HAPLN1: variants seen among roughly 807,000 people sequenced by gnomAD.
The protein encoded by HAPLN1 is Cartilage link protein.
In HAPLN1, 13 loss-of-function variants were observed where a neutral mutation model predicts 36.5. That is an observed-to-expected ratio of 0.36 (90% CI 0.23 to 0.57). The LOEUF is 0.57. Among genes scored for constraint, HAPLN1 ranks in the 20% least tolerant of loss-of-function variants. The probability of loss-of-function intolerance (pLI) is 0.83; values close to 1 mark genes in which losing one functional copy is unlikely to be tolerated. For missense variants in HAPLN1, 407 were observed against 439.7 expected, an observed-to-expected ratio of 0.93 and a Z score of 0.66; for synonymous variants, 202 against 169.8, an observed-to-expected ratio of 1.19 and a Z score of -1.48.
At chr5:83,681,057 C>T (rs1174754171) in intron 1 of HAPLN1, among the ~76,000 whole-genome samples, 2 of 152,122 alleles carry the variant, frequency 1.3e-5, no homozygotes, top group African/African-American at 4.8e-5. Context: ...TAAATTCACT[C>T]ATTCTTGATT....
chr5:83,641,145 C>T lies in HAPLN1; in HGVS notation c.*351G>A, dbSNP rs187813437. On this transcript the variant is annotated 3_prime_UTR_variant, in exon 5 of 5. Transcript: ENST00000274341. Reference sequence around the variant, plus strand: ...ATGTGTAAAGTTTGTGCTTGTGGAACCTGCTGCTCTGAGTAGCTTTACTTT... The same window carrying T: ...ATGTGTAAAGTTTGTGCTTGTGGAATCTGCTGCTCTGAGTAGCTTTACTTT... The T allele has an allele frequency of 1.7e-4, 26 of 153,786 alleles. No individual in the cohort carries two copies. Among genetic ancestry groups the T allele is most frequent in the South Asian group, 4.1e-4 (2 of 4,832 alleles). 9.5% of individuals were successfully genotyped at this position (153,786 alleles called of 1,614,324 possible).
intron 1 of HAPLN1, chr5:83,674,168 T>G (rs1473242406): frequency 6.6e-6 from 1 of 152,230 alleles, no homozygotes; most frequent in Admixed American, 6.5e-5. Flanking sequence ...GGTGAATAGT[T>G]GAAAATTATG....
chr5:83,692,353 A>C (rs968087164), intron 1 of HAPLN1, among the ~76,000 whole-genome samples: 6 of 151,874 alleles, frequency 4.0e-5, no homozygotes, highest in Non-Finnish European at 8.8e-5. Context: ...ACTGCTTAAA[A>C]CCAGTGGTAA....
At chr5:83,698,151 TA>T (rs1751434752) in intron 1 of HAPLN1, among the ~76,000 whole-genome samples, 1 of 152,146 alleles carries the variant, frequency 6.6e-6, no homozygotes, top group South Asian at 2.1e-4. Flanking sequence ...TTAGTTCTTA[TA>T]TTTAGTCTTC....
chr5:83,702,577 G>A lies in HAPLN1; in HGVS notation c.-27+18212C>T, dbSNP rs570624961. ...CAGAGAAATAAGGCCATGAAGATAA[G>A]GGTTACTCAGAACATAGTCAAGCCA... On this transcript the variant is annotated intron_variant, in intron 1 of 4. Coordinates refer to ENST00000274341, the MANE Select transcript of HAPLN1 (RefSeq NM_001884.4). Among the ~76,000 whole-genome samples the A allele has an allele frequency of 2.0e-5, 3 of 152,242 alleles. No individual in the cohort carries two copies. In the East Asian group the frequency reaches 5.8e-4, roughly 29 times the overall value.
chr5:83,719,295 G>A (rs1751975911), intron 1 of HAPLN1, among the ~76,000 whole-genome samples: 1 of 152,194 alleles, frequency 6.6e-6, no homozygotes, highest in African/African-American at 2.4e-5. Flanking sequence ...GAGAATACTG[G>A]CCTCTGGGTA....
At chr5:83,649,182 T>C (rs1749973023) in intron 3 of HAPLN1, among the ~76,000 whole-genome samples, 1 of 152,216 alleles carries the variant, frequency 6.6e-6, no homozygotes, top group African/African-American at 2.4e-5. Context: ...TGATGATATA[T>C]GGATTCATTA....
chr5:83,718,665 A>G (rs1395528494), intron 1 of HAPLN1, among the ~76,000 whole-genome samples: 2 of 152,194 alleles, frequency 1.3e-5, no homozygotes, highest in South Asian at 4.1e-4. Context: ...ACTAAGTACT[A>G]TGGTTACTAC....
chr5:83,705,387 C>CAAAAAAAAAAAAA (rs762927081), intron 1 of HAPLN1, among the ~76,000 whole-genome samples: 18 of 85,418 alleles, frequency 2.1e-4, no homozygotes, highest in Non-Finnish European at 2.8e-4. Flanking sequence ...TGAAACGTCA[C>CAAAAAAAAAAAAA]AAAAAAAAAA....
chr5:83,651,681 T>C (rs1404052850), intron 3 of HAPLN1, among the ~76,000 whole-genome samples: 1 of 152,188 alleles, frequency 6.6e-6, no homozygotes, highest in East Asian at 1.9e-4. Context: ...CTCTCAATGC[T>C]GCCAAAATCC....
intron 2 of HAPLN1, among the ~76,000 whole-genome samples, chr5:83,654,689 T>A (rs1464161723): frequency 6.6e-6 from 1 of 152,230 alleles, no homozygotes; most frequent in East Asian, 1.9e-4. Flanking sequence ...AAAATAGGTC[T>A]CAGTTTCATT....
rs971648684 is a variant in HAPLN1, at chr5:83,639,681, A to C, written c.*1815T>G. The C allele has an allele frequency of 1.3e-4, 20 of 152,150 alleles. No homozygotes were observed. Among genetic ancestry groups the C allele is most frequent in the African/African-American group, 3.6e-4 (15 of 41,556 alleles). 9.4% of individuals were successfully genotyped at this position (152,150 alleles called of 1,614,324 possible). ...TAGAAGTGCAAGTTCTATTTATACC[A>C]CCAGTGTTTGAGTTTAAACTTTACA... On this transcript the variant is annotated 3_prime_UTR_variant, in exon 5 of 5. Transcript: ENST00000274341.
chr5:83,682,695 T>C (rs1386795744), intron 1 of HAPLN1, among the ~76,000 whole-genome samples: 1 of 152,180 alleles, frequency 6.6e-6, no homozygotes, highest in Non-Finnish European at 1.5e-5. Context: ...AAGGGCTGTG[T>C]CTACACAGCT....
intron 1 of HAPLN1, among the ~76,000 whole-genome samples, chr5:83,692,137 C>G (rs1266089561): frequency 1.3e-5 from 2 of 151,746 alleles, no homozygotes; most frequent in Non-Finnish European, 3.0e-5. Flanking sequence ...AAAAGAGCAT[C>G]ACTAAACTGT....
intron 1 of HAPLN1, among the ~76,000 whole-genome samples, chr5:83,684,130 G>A (rs769701415): frequency 3.3e-5 from 5 of 152,074 alleles, no homozygotes; most frequent in East Asian, 1.9e-4. Flanking sequence ...TGAAGGATAA[G>A]CATTACAATA....
At position 83,641,632 on chromosome 5, in the gene HAPLN1, G is replaced by A. The variant is rs779648824; in HGVS notation, c.929C>T (p.Ala310Val). The part of the protein sequence containing the change: ...GYDRCDAGWL[A>V]DGSVRYPISR... The stretch of plus-strand genomic sequence containing the variant: ...GATGGGGTAGCGGACGCTGCCATCC[G>A]CCAACCAGCCCGCATCACAGCGGTC... The change falls in exon 5 of 5, where the codon GCG becomes GTG. Residue 310 changes from alanine to valine, a missense_variant. Transcript: ENST00000274341. 2 of 1,614,066 alleles carry A rather than the reference G, an allele frequency of 1.2e-6. No individual in the cohort carries two copies. The highest frequency in any genetic ancestry group is 1.7e-6 in the Non-Finnish European group (2 of 1,180,042).
At chr5:83,681,121 T>C (rs1476572978) in intron 1 of HAPLN1, among the ~76,000 whole-genome samples, 1 of 152,186 alleles carries the variant, frequency 6.6e-6, no homozygotes, top group African/African-American at 2.4e-5. Flanking sequence ...TTAAATAATA[T>C]AAAATTAGAC....
At chr5:83,705,065 G>A (rs753586675) in intron 1 of HAPLN1, among the ~76,000 whole-genome samples, 6 of 152,076 alleles carry the variant, frequency 3.9e-5, no homozygotes, top group Non-Finnish European at 8.8e-5. Context: ...ACTCTCAGAC[G>A]ATATTGCAAT....
At chr5:83,713,081 C>T (rs1224772611) in intron 1 of HAPLN1, among the ~76,000 whole-genome samples, 1 of 151,568 alleles carries the variant, frequency 6.6e-6, no homozygotes, top group Non-Finnish European at 1.5e-5. Context: ...TAATCAAGTA[C>T]TCTGGTGAAT....
Sources: gnomAD v4.1 joint callset for allele counts (sites outside exome capture counted in the v4.1 genomes callset) on GRCh38, gnomAD v4.1.1 for gene constraint, MANE v1.5 for transcripts, NCBI Gene and HGNC (gene_info 2026-07-23, HGNC 2026-07-21) for gene names.